The following PRR16 variants were observed in gnomAD, a reference collection of about 807,000 sequenced individuals.
PRR16 encodes proline rich 16.
A neutral mutation model predicts 18.2 loss-of-function variants in PRR16; 6 were observed. The observed-to-expected ratio is 0.33, with a 90% CI of 0.18 to 0.65. The LOEUF is 0.65. Among genes scored for constraint, PRR16 ranks in the 30% least tolerant of loss-of-function variants. The probability of loss-of-function intolerance (pLI) is 0.74; values close to 1 mark genes in which losing one functional copy is unlikely to be tolerated. For synonymous variants in PRR16, 151 were observed against 147.8 expected (o/e 1.02, Z -0.16); for missense variants, 412 against 376.6 (o/e 1.09, Z -0.78).
intron 1 of PRR16, among the ~76,000 whole-genome samples, chr5:120,502,103 A>G (rs1385241115): frequency 3.3e-5 from 5 of 151,494 alleles, no homozygotes; most frequent in African/African-American, 9.7e-5. Flanking sequence ...AAGTTTGCCA[A>G]AATTTATTGG....
intron 1 of PRR16, among the ~76,000 whole-genome samples, chr5:120,560,157 G>C (rs1221323030): frequency 1.3e-5 from 2 of 151,608 alleles, no homozygotes; most frequent in Non-Finnish European, 2.9e-5. Context: ...TTTTAGCTAG[G>C]ACTTCTATTG....
chr5:120,569,465 A>T (rs1483046934), intron 1 of PRR16, among the ~76,000 whole-genome samples: 1 of 152,150 alleles, frequency 6.6e-6, no homozygotes, highest in Non-Finnish European at 1.5e-5. Context: ...TGGCTACCAC[A>T]TGTAATACGC....
chr5:120,770,369 C>A, the PRR16 span, among the ~76,000 whole-genome samples: 5 of 152,036 alleles, frequency 3.3e-5, no homozygotes, highest in East Asian at 9.7e-4. Flanking sequence ...TGGGTATCCA[C>A]ATATAGAAGA....
chr5:120,643,002 T>G (rs763875349), intron 1 of PRR16, among the ~76,000 whole-genome samples: 56 of 152,230 alleles, frequency 3.7e-4, no homozygotes, highest in Non-Finnish European at 6.5e-4. Flanking sequence ...ATTTGTGACA[T>G]GAATTAAATG....
At chr5:120,488,461 G>A (rs1350529423) in intron 1 of PRR16, among the ~76,000 whole-genome samples, 4 of 151,964 alleles carry the variant, frequency 2.6e-5, no homozygotes, top group East Asian at 1.9e-4. Flanking sequence ...ATTCTCTGAC[G>A]GTAGTTTGTA....
chr5:120,724,263 T>C, the PRR16 span, among the ~76,000 whole-genome samples: 1 of 152,192 alleles, frequency 6.6e-6, no homozygotes, highest in South Asian at 2.1e-4. Flanking sequence ...TATTTAGTCT[T>C]TCCACAGAAT....
intron 1 of PRR16, among the ~76,000 whole-genome samples, chr5:120,497,679 G>T (rs1227223765): frequency 2.0e-5 from 3 of 151,858 alleles, no homozygotes; most frequent in Non-Finnish European, 4.4e-5. Context: ...GTGAGCCACA[G>T]CTCCCGGCTG....
the PRR16 span, among the ~76,000 whole-genome samples, chr5:120,722,673 C>A: frequency 6.6e-6 from 1 of 151,944 alleles, no homozygotes; most frequent in African/African-American, 2.4e-5. Context: ...TTTTCACTAA[C>A]CTGAGCAGTG....
At chr5:120,560,825 G>A (rs1256560350) in intron 1 of PRR16, among the ~76,000 whole-genome samples, 1 of 151,946 alleles carries the variant, frequency 6.6e-6, no homozygotes, top group Non-Finnish European at 1.5e-5. Flanking sequence ...GTCTGTTCAG[G>A]TTATGGATTT....
chr5:120,538,075 C>T (rs982617691), intron 1 of PRR16, among the ~76,000 whole-genome samples: 1 of 152,056 alleles, frequency 6.6e-6, no homozygotes, highest in Non-Finnish European at 1.5e-5. Context: ...CGCGCCCGGC[C>T]GTTGTTTATA....
chr5:120,779,303 A>C, the PRR16 span, among the ~76,000 whole-genome samples: 1 of 152,178 alleles, frequency 6.6e-6, no homozygotes, highest in Non-Finnish European at 1.5e-5. Flanking sequence ...GTTTTCAAAA[A>C]CATTTTTGGC....
the PRR16 span, among the ~76,000 whole-genome samples, chr5:120,757,917 G>A: frequency 6.6e-5 from 10 of 152,016 alleles, no homozygotes; most frequent in South Asian, 2.1e-3. Flanking sequence ...CAAATGCATT[G>A]GAGTAAAAAA....
chr5:120,650,362 T>C (rs922736112), intron 1 of PRR16, among the ~76,000 whole-genome samples: 4 of 151,870 alleles, frequency 2.6e-5, no homozygotes, highest in South Asian at 2.1e-4. Flanking sequence ...AGTTTTAGGG[T>C]ACATGTGCAC....
chr5:120,652,826 A>G (rs1755836970), intron 1 of PRR16, among the ~76,000 whole-genome samples: 1 of 151,918 alleles, frequency 6.6e-6, no homozygotes, highest in Non-Finnish European at 1.5e-5. Flanking sequence ...TAATATATTT[A>G]TATTGGTTTA....
At chr5:120,711,490 A>G in the PRR16 span, among the ~76,000 whole-genome samples, 2 of 152,164 alleles carry the variant, frequency 1.3e-5, no homozygotes, top group East Asian at 1.9e-4. Flanking sequence ...AATTAATACT[A>G]CTACCCCAAG....
At chr5:120,470,223 T>C (rs1206709370) in intron 1 of PRR16, among the ~76,000 whole-genome samples, 3 of 152,120 alleles carry the variant, frequency 2.0e-5, no homozygotes, top group Non-Finnish European at 4.4e-5. Flanking sequence ...CTGATTGAAA[T>C]ATACATGACT....
chr5:120,547,591 T>C (rs1030213900), intron 1 of PRR16, among the ~76,000 whole-genome samples: 11 of 152,068 alleles, frequency 7.2e-5, no homozygotes, highest in African/African-American at 2.7e-4. Context: ...GCTACTATCT[T>C]TTGGCATTAT....
At chr5:120,494,582 G>A (rs1019608100) in intron 1 of PRR16, among the ~76,000 whole-genome samples, 4 of 151,930 alleles carry the variant, frequency 2.6e-5, no homozygotes, top group African/African-American at 4.8e-5. Flanking sequence ...CCCTCTTCAC[G>A]AGGTCTTTCT....
At chr5:120,563,670 T>C (rs1443949376) in intron 1 of PRR16, among the ~76,000 whole-genome samples, 1 of 152,186 alleles carries the variant, frequency 6.6e-6, no homozygotes, top group African/African-American at 2.4e-5. Flanking sequence ...CCAGAAATGC[T>C]GTCCAAGACT....
Sources: gnomAD v4.1 joint callset for allele counts (sites outside exome capture counted in the v4.1 genomes callset) on GRCh38, gnomAD v4.1.1 for gene constraint, MANE v1.5 for transcripts, NCBI Gene and HGNC (gene_info 2026-07-23, HGNC 2026-07-21) for gene names.